C8orf34: variants seen among roughly 807,000 people sequenced by gnomAD.
The protein encoded by C8orf34 is chromosome 8 open reading frame 34.
C8orf34 carries 65 observed loss-of-function variants against 68.3 expected under a neutral mutation model. The ratio of observed to expected loss-of-function variants is 0.95; its 90% confidence interval spans 0.78 to 1.17. The LOEUF is 1.17. Among genes scored for constraint, C8orf34 ranks in the 50% most tolerant of loss-of-function variants. The probability of loss-of-function intolerance (pLI) is 0.00; values close to 1 mark genes in which losing one functional copy is unlikely to be tolerated. For synonymous variants in C8orf34, 244 were observed against 241.2 expected, an observed-to-expected ratio of 1.01 and a Z score of -0.11; for missense variants, 664 against 655.4, an observed-to-expected ratio of 1.01 and a Z score of -0.14.
At chr8:68,567,364 C>T (rs930225784) in intron 7 of C8orf34, among the ~76,000 whole-genome samples, 1 of 151,898 alleles carries the variant, frequency 6.6e-6, no homozygotes. Flanking sequence ...TTGTACCTTT[C>T]CAGGAATTTG....
chr8:68,409,222 C>T (rs187416967), intron 1 of C8orf34, among the ~76,000 whole-genome samples: 1 of 152,252 alleles, frequency 6.6e-6, no homozygotes, highest in African/African-American at 2.4e-5. Context: ...TGTACTTTTA[C>T]TTATTTTTAA....
chr8:68,561,012 G>A (rs1454713413), intron 7 of C8orf34, among the ~76,000 whole-genome samples: 1 of 133,916 alleles, frequency 7.5e-6, no homozygotes, highest in Admixed American at 8.1e-5. Flanking sequence ...GTCTCACTCT[G>A]TCTCCCAGGC....
rs748989706 is a variant in C8orf34, at chr8:68,533,049, C to T, written c.1005C>T (p.Ala335=). ...AACAGCAACATAAGAAACTCCTGGC[C>T]GCAATGCTCTCTCAAGATTCTTTTG... is the stretch of plus-strand genomic sequence containing the variant. ...QQQQQHKKLL[A]AMLSQDSFES... Residue 335 remains alanine, a synonymous_variant, in exon 7 of 14, where the codon GCC becomes GCT. Transcript: ENST00000518698. 23 of 1,610,992 alleles carry T rather than the reference C, an allele frequency of 1.4e-5. No homozygotes were observed. Among genetic ancestry groups the T allele is most frequent in the South Asian group, 1.2e-4 (11 of 90,944 alleles).
At chr8:68,641,007 A>C (rs554782330) in intron 8 of C8orf34, among the ~76,000 whole-genome samples, 1 of 152,314 alleles carries the variant, frequency 6.6e-6, no homozygotes, top group Admixed American at 6.5e-5. Flanking sequence ...TATGTGGCCA[A>C]AGAAGTAGCT....
chr8:68,698,271 C>T (rs1166045902), intron 8 of C8orf34, among the ~76,000 whole-genome samples: 1 of 152,024 alleles, frequency 6.6e-6, no homozygotes, highest in Non-Finnish European at 1.5e-5. Context: ...TATACTTGAA[C>T]ATTTCAGTAT....
intron 7 of C8orf34, among the ~76,000 whole-genome samples, chr8:68,569,828 A>G (rs1816709305): frequency 6.6e-6 from 1 of 152,226 alleles, no homozygotes; most frequent in Non-Finnish European, 1.5e-5. Flanking sequence ...GAGGACAAAT[A>G]CTATGGACTA....
intron 7 of C8orf34, chr8:68,535,398 A>G (rs1215175467): frequency 1.0e-6 from 1 of 984,396 alleles, no homozygotes; most frequent in African/African-American, 1.7e-5. Flanking sequence ...AATATTTATT[A>G]TGCATGGAAA....
chr8:68,701,522 T>C (rs548232393), intron 8 of C8orf34, among the ~76,000 whole-genome samples: 18 of 150,476 alleles, frequency 1.2e-4, no homozygotes, highest in South Asian at 1.0e-3. Context: ...CATTTTTTTT[T>C]CCCCGCTCTT....
At chr8:68,396,191 G>A (rs553574693) in intron 1 of C8orf34, among the ~76,000 whole-genome samples, 2 of 151,940 alleles carry the variant, frequency 1.3e-5, no homozygotes, top group South Asian at 2.1e-4. Context: ...ATTCATCCTA[G>A]TATCTCCTAG....
chr8:68,446,376 C>A lies in C8orf34; in HGVS notation c.523C>A (p.Gln175Lys). The change falls in exon 3 of 14, where the codon CAA becomes AAA. Residue 175 changes from glutamine to lysine, a missense_variant. Coordinates refer to ENST00000518698, the MANE Select transcript of C8orf34 (RefSeq NM_052958.4). ...RDFRSYDKPW[Q>K]LNAKKPKKSK... ...TTTCAGAAGCTATGATAAACCTTGG[C>A]AATTAAATGCAAAGAAGCCTAAAAA... 6.2e-7 allele frequency: 1 copy of A among 1,611,578 alleles called. No homozygotes were observed. Among genetic ancestry groups the A allele is most frequent in the African/African-American group, 1.3e-5 (1 of 74,898 alleles).
At chr8:68,440,960 A>G (rs757666672) in intron 2 of C8orf34, among the ~76,000 whole-genome samples, 1 of 152,026 alleles carries the variant, frequency 6.6e-6, no homozygotes, top group Non-Finnish European at 1.5e-5. Flanking sequence ...ACCCGCCACC[A>G]TACCCAGCTA....
At chr8:68,672,120 A>G (rs1042726379) in intron 8 of C8orf34, among the ~76,000 whole-genome samples, 2 of 152,210 alleles carry the variant, frequency 1.3e-5, no homozygotes, top group Non-Finnish European at 1.5e-5. Context: ...CTTAAATACT[A>G]TGACTGCTGA....
intron 8 of C8orf34, among the ~76,000 whole-genome samples, chr8:68,644,388 A>G (rs536402009): frequency 2.0e-5 from 3 of 152,190 alleles, no homozygotes; most frequent in African/African-American, 7.2e-5. Flanking sequence ...ATAAAAGTTC[A>G]TCTTCCTTGG....
intron 4 of C8orf34, among the ~76,000 whole-genome samples, chr8:68,478,155 C>G (rs1294058459): frequency 6.6e-6 from 1 of 152,194 alleles, no homozygotes; most frequent in Non-Finnish European, 1.5e-5. Flanking sequence ...AGTCAGCCTG[C>G]AAAATTTTCA....
rs72664914 is a variant in C8orf34, at chr8:68,368,731, C to T, written c.327+37392C>T. 1.2e-3 allele frequency among the ~76,000 whole-genome samples: 190 copies of T among 152,050 alleles called. 1 individual carries two copies. The highest frequency in any genetic ancestry group is 2.2e-3 in the Non-Finnish European group (151 of 67,950). On this transcript the variant is annotated intron_variant, in intron 1 of 13. Transcript: ENST00000518698. ...ATTGAGATTACCATATGATTTTTTTCCCTTTATTCTGCTAATGGGAAAGAT... is the reference window on the plus strand; with the variant it reads ...ATTGAGATTACCATATGATTTTTTTTCCTTTATTCTGCTAATGGGAAAGAT...
At chr8:68,599,181 A>T (rs2130481128) in intron 7 of C8orf34, among the ~76,000 whole-genome samples, 1 of 152,202 alleles carries the variant, frequency 6.6e-6, no homozygotes, top group Middle Eastern at 3.4e-3. Flanking sequence ...AATTTAACAA[A>T]ATTGAGGGTC....
chr8:68,456,471 A>C lies in C8orf34; in HGVS notation c.607+10011A>C, dbSNP rs1376984039. Among the ~76,000 whole-genome samples the C allele has an allele frequency of 2.0e-5, 3 of 152,350 alleles. No homozygotes were observed. The East Asian group carries it at 5.8e-4, about 29-fold the overall frequency. Reference sequence around the variant, plus strand: ...TAATTTATGCTATGTGAATGAGTGCATAAAAGGTTGAATGAATAAATGAAT... The same window carrying C: ...TAATTTATGCTATGTGAATGAGTGCCTAAAAGGTTGAATGAATAAATGAAT... On this transcript the variant is annotated intron_variant, in intron 3 of 13. Coordinates refer to ENST00000518698, the MANE Select transcript of C8orf34 (RefSeq NM_052958.4).
intron 7 of C8orf34, among the ~76,000 whole-genome samples, chr8:68,613,125 A>T (rs111799856): frequency 6.6e-6 from 1 of 152,154 alleles, no homozygotes; most frequent in Non-Finnish European, 1.5e-5. Context: ...CTGAACACAC[A>T]TAGCTGGTGG....
chr8:68,599,557 C>A (rs918806052), intron 7 of C8orf34, among the ~76,000 whole-genome samples: 3 of 151,802 alleles, frequency 2.0e-5, no homozygotes, highest in African/African-American at 7.2e-5. Flanking sequence ...CATACATAGT[C>A]TGAAAGGAAA....
Sources: gnomAD v4.1 joint callset for allele counts (sites outside exome capture counted in the v4.1 genomes callset) on GRCh38, gnomAD v4.1.1 for gene constraint, MANE v1.5 for transcripts, NCBI Gene and HGNC (gene_info 2026-07-23, HGNC 2026-07-21) for gene names.